The following TRMT11 variants were observed in gnomAD, a reference collection of about 807,000 sequenced individuals.
TRMT11 encodes tRNA methyltransferase 11, also known as tRNA (guanine(10)-N(2))-methyltransferase TRMT11.
A neutral mutation model predicts 62.8 loss-of-function variants in TRMT11; 53 were observed. The ratio of observed to expected loss-of-function variants is 0.84; its 90% CI spans 0.68 to 1.06. The LOEUF (loss-of-function observed/expected upper bound fraction) is 1.06. Ranked by LOEUF, TRMT11 falls within the 50% of genes least tolerant of loss-of-function variation. The pLI, the probability that TRMT11 is intolerant of heterozygous loss-of-function variation, is 0.00. For missense variants in TRMT11, 556 were observed against 553.4 expected (o/e 1.00, Z -0.05); for synonymous variants, 188 against 190.3 (o/e 0.99, Z 0.10).
At chr6:125,996,310 A>G (rs533154052) in intron 3 of TRMT11, among the ~76,000 whole-genome samples, 20 of 152,366 alleles carry the variant, frequency 1.3e-4, no homozygotes, top group African/African-American at 4.6e-4. Context: ...TATAAACACT[A>G]TGTTCTTACG....
At chr6:126,240,887 C>A in the TRMT11 span, among the ~76,000 whole-genome samples, 1 of 152,236 alleles carries the variant, frequency 6.6e-6, no homozygotes, top group African/African-American at 2.4e-5. Flanking sequence ...GCTTTGTTTA[C>A]CTACTCAAGC....
chr6:125,998,374 A>G (rs1442470020), intron 5 of TRMT11, 59 bp downstream of exon 5: 5 of 1,285,536 alleles, frequency 3.9e-6, no homozygotes, highest in South Asian at 2.6e-5. Context: ...GCCATTGTTG[A>G]TATATAGGAA....
At chr6:126,203,990 A>C (rs1468719156), downstream of TRMT11, among the ~76,000 whole-genome samples, 1 of 151,330 alleles carries the variant, frequency 6.6e-6, no homozygotes, top group Admixed American at 6.6e-5. Flanking sequence ...ATGACTTTGT[A>C]GGGCAATTAT....
At chr6:126,245,003 C>T in the TRMT11 span, among the ~76,000 whole-genome samples, 1 of 152,120 alleles carries the variant, frequency 6.6e-6, no homozygotes, top group Non-Finnish European at 1.5e-5. Flanking sequence ...ATTATTGTTA[C>T]TATTATTCAT....
intron 17 of TRMT11, among the ~76,000 whole-genome samples, chr6:126,098,815 A>G (rs1482924168): frequency 1.3e-5 from 2 of 152,180 alleles, no homozygotes; most frequent in Non-Finnish European, 2.9e-5. Flanking sequence ...TGGGTACACC[A>G]TTTTGTTCTT....
At chr6:126,211,670 G>A in the TRMT11 span, among the ~76,000 whole-genome samples, 1 of 151,578 alleles carries the variant, frequency 6.6e-6, no homozygotes, top group Non-Finnish European at 1.5e-5. Flanking sequence ...CATAGTAGGT[G>A]TATATATGTA....
intron 7 of TRMT11, among the ~76,000 whole-genome samples, chr6:126,001,409 A>C (rs1042212646): frequency 6.6e-6 from 1 of 151,344 alleles, no homozygotes; most frequent in Non-Finnish European, 1.5e-5. Flanking sequence ...GGGTTGTTTG[A>C]TGTCTCCTCA....
chr6:126,029,236 C>CT (rs1773741385), intron 12 of TRMT11, among the ~76,000 whole-genome samples: 1 of 152,100 alleles, frequency 6.6e-6, no homozygotes, highest in Admixed American at 6.5e-5. Flanking sequence ...GAATCTAACT[C>CT]TGAGATTTTT....
At chr6:126,200,776 A>G (rs754576290) in intron 3 of TRMT11, among the ~76,000 whole-genome samples, 2 of 152,034 alleles carry the variant, frequency 1.3e-5, no homozygotes, top group African/African-American at 4.8e-5. Flanking sequence ...GATGGTTTCA[A>G]TCTCCTGACC....
chr6:126,098,658 G>A (rs891642841), intron 17 of TRMT11, among the ~76,000 whole-genome samples: 5 of 152,126 alleles, frequency 3.3e-5, no homozygotes, highest in Admixed American at 1.3e-4. Flanking sequence ...TGAGATTGGC[G>A]GGGGATGAGG....
intron 17 of TRMT11, among the ~76,000 whole-genome samples, chr6:126,084,793 G>A (rs1583870628): frequency 6.6e-6 from 1 of 152,072 alleles, no homozygotes; most frequent in East Asian, 1.9e-4. Flanking sequence ...TGGCAACATG[G>A]ATGAACCTGG....
chr6:126,145,808 A>G (rs1040109097), intron 21 of TRMT11, among the ~76,000 whole-genome samples: 1 of 152,138 alleles, frequency 6.6e-6, no homozygotes, highest in African/African-American at 2.4e-5. Context: ...AGCTAAAATT[A>G]AATTTTAAAT....
chr6:126,016,221 C>T (rs968162530), intron 11 of TRMT11, among the ~76,000 whole-genome samples: 6 of 152,128 alleles, frequency 3.9e-5, no homozygotes, highest in Admixed American at 3.9e-4. Flanking sequence ...AAGAGCTTTT[C>T]TTTCTGCCCC....
intron 11 of TRMT11, among the ~76,000 whole-genome samples, chr6:126,015,909 T>C (rs947730558): frequency 5.9e-5 from 9 of 152,184 alleles, no homozygotes; most frequent in African/African-American, 2.2e-4. Context: ...GCTTTCTTGG[T>C]AGGAATACCA....
At chr6:126,144,432 C>T (rs931585136) in intron 21 of TRMT11, among the ~76,000 whole-genome samples, 23 of 152,238 alleles carry the variant, frequency 1.5e-4, no homozygotes, top group African/African-American at 5.5e-4. Context: ...TGGTTGCTGC[C>T]CAGACTTTTT....
chr6:126,151,943 C>CTTTCTTTTTCTTTCTTTCTTTCTTTCT (rs1554242330), intron 21 of TRMT11, among the ~76,000 whole-genome samples: 9 of 33,926 alleles, frequency 2.7e-4, no homozygotes, highest in African/African-American at 8.6e-4. Flanking sequence ...TTCTTTCTTT[C>CTTTCTTTTTCTTTCTTTCTTTCTTTCT]TTTTCTTTCT....
chr6:126,110,198 T>G (rs1777515044), intron 17 of TRMT11, among the ~76,000 whole-genome samples: 1 of 152,212 alleles, frequency 6.6e-6, no homozygotes, highest in Non-Finnish European at 1.5e-5. Context: ...TATTATTGGC[T>G]TTTTTGGGGG....
At chr6:126,140,888 C>T (rs192869285) in intron 21 of TRMT11, among the ~76,000 whole-genome samples, 16 of 152,084 alleles carry the variant, frequency 1.1e-4, no homozygotes, top group East Asian at 5.8e-4. Flanking sequence ...ATGACACCTT[C>T]GATTCCAGAA....
At chr6:126,260,855 T>A in the TRMT11 span, among the ~76,000 whole-genome samples, 1 of 152,220 alleles carries the variant, frequency 6.6e-6, no homozygotes, top group Non-Finnish European at 1.5e-5. Context: ...TTTAGAATTA[T>A]CTCTTTGTCT....
Sources: gnomAD v4.1 joint callset for allele counts (sites outside exome capture counted in the v4.1 genomes callset) on GRCh38, gnomAD v4.1.1 for gene constraint, MANE v1.5 for transcripts, NCBI Gene and HGNC (gene_info 2026-07-23, HGNC 2026-07-21) for gene names.